The following FBN1 variants were observed in gnomAD, a reference collection of about 807,000 sequenced individuals.
FBN1 encodes the protein fibrillin-1.
Under a neutral mutation model 365.1 loss-of-function variants are expected in FBN1, and 29 were observed. The ratio of observed to expected loss-of-function variants is 0.08; its 90% confidence interval spans 0.06 to 0.11. FBN1 has a LOEUF of 0.11. FBN1 is among the 10% of genes least tolerant of loss of function. The pLI is 1.00. For missense variants in FBN1, 2,476 were observed against 3,703.2 expected (o/e 0.67, Z 8.60); for synonymous variants, 1,210 against 1,270.5 (o/e 0.95, Z 1.01).
At chr15:48,509,357 C>G (rs2043739517) in intron 14 of FBN1, among the ~76,000 whole-genome samples, 1 of 150,542 alleles carries the variant, frequency 6.6e-6, no homozygotes, top group African/African-American at 2.4e-5. Context: ...GGCACTTGCT[C>G]TTTTAGACAC....
chr15:48,625,914 A>G (rs954653656), intron 2 of FBN1, among the ~76,000 whole-genome samples: 4 of 152,196 alleles, frequency 2.6e-5, no homozygotes, highest in Non-Finnish European at 5.9e-5. Context: ...CTAACACAAT[A>G]CTTGAATCTT....
At chr15:48,481,514 G>T in intron 32 of FBN1, 141 bp downstream of exon 32, 1 of 952,674 alleles carries the variant, frequency 1.0e-6, no homozygotes, top group Non-Finnish European at 1.5e-6. Flanking sequence ...AGAAGTGGAA[G>T]CTAAATTAAT....
chr15:48,431,767 G>A (rs2043024220), intron 55 of FBN1, among the ~76,000 whole-genome samples: 2 of 152,012 alleles, frequency 1.3e-5, no homozygotes, highest in South Asian at 2.1e-4. Context: ...CAATTCTTCT[G>A]CCTCAGCCTC....
intron 4 of FBN1, among the ~76,000 whole-genome samples, chr15:48,609,323 C>A (rs2044639711): frequency 6.6e-6 from 1 of 152,204 alleles, no homozygotes; most frequent in Admixed American, 6.5e-5. Context: ...ATTTCTATCC[C>A]AATTGTAACT....
In FBN1 at chr15:48,409,542, TTAAAA is replaced by T. The variant is rs1268375577; in HGVS notation, c.*1443_*1447del. 2 of 152,202 alleles carry T rather than the reference TTAAAA, an allele frequency of 1.3e-5. No individual in the cohort carries two copies. Among genetic ancestry groups the T allele is most frequent in the Admixed American group, 6.5e-5 (1 of 15,272 alleles). 9.4% of individuals were successfully genotyped at this position (152,202 alleles called of 1,614,324 possible). ...AACAGCTAAATACTCAATATTGCAC[TTAAAA>T]TAAAACAGACTTTAAAAATTATGAC... On this transcript the variant is annotated 3_prime_UTR_variant, in exon 66 of 66. Transcript: ENST00000316623.
intron 6 of FBN1, among the ~76,000 whole-genome samples, chr15:48,560,860 T>C (rs2044217690): frequency 6.6e-6 from 1 of 152,148 alleles, no homozygotes; most frequent in Non-Finnish European, 1.5e-5. Context: ...GGAAGTTAGA[T>C]GTCCCACCCC....
chr15:48,439,181 A>G (rs1361827953), intron 50 of FBN1, among the ~76,000 whole-genome samples: 2 of 152,196 alleles, frequency 1.3e-5, no homozygotes, highest in Non-Finnish European at 1.5e-5. Context: ...CTATCTATCT[A>G]TCTATTATAT....
chr15:48,427,811 A>C (rs1304007934), intron 57 of FBN1, 38 bp from the exon 58 acceptor site: 4 of 1,586,360 alleles, frequency 2.5e-6, no homozygotes. Flanking sequence ...GATGTCAGGA[A>C]ATTTTAAGAG....
chr15:48,547,226 C>T (rs1057235801), intron 6 of FBN1, among the ~76,000 whole-genome samples: 4 of 152,038 alleles, frequency 2.6e-5, no homozygotes, highest in African/African-American at 9.7e-5. Context: ...TATGTATAAA[C>T]ATTAGGGTTG....
In FBN1 at chr15:48,639,374, GT is replaced by G. The variant is rs139005973; in HGVS notation, c.164+5231del. Among the ~76,000 whole-genome samples the G allele has an allele frequency of 3.9e-3, 594 of 152,170 alleles. 3 individuals are homozygous for G. The highest frequency in any genetic ancestry group is 0.014 in the African/African-American group (570 of 41,500). On this transcript the variant is annotated intron_variant, in intron 2 of 65. Coordinates refer to ENST00000316623, the MANE Select transcript of FBN1 (RefSeq NM_000138.5). Reference sequence around the variant, plus strand: ...ATATAGTGCTTAGTAACATATAGATGTTACCTAAATGTTACCTACCATGGCT... The same window carrying G: ...ATATAGTGCTTAGTAACATATAGATGTACCTAAATGTTACCTACCATGGCT...
chr15:48,485,254 T>A, intron 30 of FBN1, 120 bp downstream of exon 30: 1 of 1,313,496 alleles, frequency 7.6e-7, no homozygotes, highest in East Asian at 2.4e-5. Context: ...AAGGATACAG[T>A]TAAAATATAT....
intron 6 of FBN1, among the ~76,000 whole-genome samples, chr15:48,588,541 A>C (rs1282321332): frequency 6.6e-6 from 1 of 152,238 alleles, no homozygotes; most frequent in Non-Finnish European, 1.5e-5. Context: ...AGATGAAACC[A>C]TGACACTAAA....
intron 3 of FBN1, 103 bp downstream of exon 3, chr15:48,612,907 C>G (rs2044667879): frequency 2.3e-6 from 2 of 862,512 alleles, no homozygotes; most frequent in Admixed American, 1.7e-5. Flanking sequence ...GTACTATCAA[C>G]AGATTAATAG....
chr15:48,500,655 C>T (rs974673587), intron 17 of FBN1, among the ~76,000 whole-genome samples: 1 of 152,178 alleles, frequency 6.6e-6, no homozygotes, highest in Non-Finnish European at 1.5e-5. Context: ...GCCATGGAGA[C>T]AGTGACATGA....
chr15:48,497,074 AT>A (rs2043614248), intron 19 of FBN1, among the ~76,000 whole-genome samples, 191 bp downstream of exon 19: 1 of 152,244 alleles, frequency 6.6e-6, no homozygotes, highest in Non-Finnish European at 1.5e-5. Flanking sequence ...ATACATCGTT[AT>A]TCATAAACTG....
intron 23 of FBN1, among the ~76,000 whole-genome samples, chr15:48,493,300 C>T (rs1035000595): frequency 2.4e-4 from 36 of 152,000 alleles, no homozygotes; most frequent in Non-Finnish European, 4.4e-5. Flanking sequence ...AAGAAAGGCA[C>T]TTACTTGCCA....
chr15:48,642,706 T>A (rs2140783917), intron 2 of FBN1: 1 of 152,088 alleles, frequency 6.6e-6, no homozygotes, highest in Non-Finnish European at 1.5e-5. Context: ...TATATATATA[T>A]CACTTATTAT....
chr15:48,549,331 C>T (rs919763747), intron 6 of FBN1, among the ~76,000 whole-genome samples: 27 of 152,208 alleles, frequency 1.8e-4, no homozygotes, highest in Admixed American at 6.5e-5. Flanking sequence ...TGGTGTTCAC[C>T]TCTGCAGCTG....
chr15:48,630,746 A>AGAAAAG (rs1284538663), intron 2 of FBN1, among the ~76,000 whole-genome samples: 157 of 145,390 alleles, frequency 1.1e-3, no homozygotes, highest in African/African-American at 4.2e-3. Context: ...AAAAAAAAAA[A>AGAAAAG]AAAAGAAAAG....
Sources: gnomAD v4.1 joint callset for allele counts (sites outside exome capture counted in the v4.1 genomes callset) on GRCh38, gnomAD v4.1.1 for gene constraint, MANE v1.5 for transcripts, NCBI Gene and HGNC (gene_info 2026-07-23, HGNC 2026-07-21) for gene names.